CTH: variants seen among roughly 807,000 people sequenced by gnomAD.
CTH encodes cystathionase (cystathionine gamma-lyase).
A neutral mutation model predicts 50.6 loss-of-function variants in CTH; 41 were observed. The observed-to-expected ratio is 0.81, with a 90% confidence interval of 0.63 to 1.05. The LOEUF (loss-of-function observed/expected upper bound fraction) is 1.05. Ranked by LOEUF, CTH falls within the 50% of genes least tolerant of loss-of-function variation. The probability of loss-of-function intolerance (pLI) is 0.00; values close to 1 mark genes in which losing one functional copy is unlikely to be tolerated. For synonymous variants in CTH, 156 were observed against 168.9 expected, an observed-to-expected ratio of 0.92 and a Z score of 0.59; for missense variants, 470 against 492.6, an observed-to-expected ratio of 0.95 and a Z score of 0.43.
At chr1:70,420,512 G>A (rs184911964) in intron 3 of CTH, among the ~76,000 whole-genome samples, 1 of 152,098 alleles carries the variant, frequency 6.6e-6, no homozygotes, top group East Asian at 1.9e-4. Context: ...TGATGCTGCC[G>A]CTGATTTGAC....
At chr1:70,429,713 A>C (rs1684422231) in intron 5 of CTH, 81 bp from the exon 6 acceptor site, 1 of 988,550 alleles carries the variant, frequency 1.0e-6, no homozygotes, top group South Asian at 1.3e-5. Flanking sequence ...ATAAGAATGG[A>C]ATTTATAATT....
intron 1 of CTH, among the ~76,000 whole-genome samples, chr1:70,415,031 A>C (rs537666875): frequency 6.6e-6 from 1 of 152,212 alleles, no homozygotes; most frequent in South Asian, 2.1e-4. Flanking sequence ...GCTTTGAGCC[A>C]CTTTTGTAGA....
intron 3 of CTH, among the ~76,000 whole-genome samples, chr1:70,419,993 T>G (rs1684178478): frequency 6.7e-6 from 1 of 150,312 alleles, no homozygotes; most frequent in South Asian, 2.1e-4. Context: ...GGGACCGGCG[T>G]GTTTTTTTTT....
chr1:70,422,428 G>A (rs1489574394), intron 4 of CTH, among the ~76,000 whole-genome samples: 1 of 152,142 alleles, frequency 6.6e-6, no homozygotes, highest in Non-Finnish European at 1.5e-5. Flanking sequence ...TGATTAAAAG[G>A]TTAGAATTGT....
chr1:70,439,060 T>A, intron 11 of CTH, 41 bp from the exon 12 acceptor site: 1 of 1,590,862 alleles, frequency 6.3e-7, no homozygotes, highest in Admixed American at 1.7e-5. Flanking sequence ...CTATGGCCTA[T>A]ATGTTTAATA....
At chr1:70,434,965 T>C (rs1351111351) in intron 9 of CTH, 160 bp from the exon 10 acceptor site, 5 of 480,000 alleles carry the variant, frequency 1.0e-5, no homozygotes, top group African/African-American at 1.0e-4. Context: ...TTGGCCAGGC[T>C]GGTCTCGAAC....
intron 2 of CTH, among the ~76,000 whole-genome samples, chr1:70,416,633 G>A (rs935369961): frequency 6.7e-6 from 1 of 148,820 alleles, no homozygotes; most frequent in African/African-American, 2.5e-5. Context: ...GCAGGATCTC[G>A]GCTCACTGCA....
chr1:70,437,206 C>T (rs888010974), intron 10 of CTH, among the ~76,000 whole-genome samples: 37 of 152,104 alleles, frequency 2.4e-4, no homozygotes, highest in African/African-American at 8.0e-4. Flanking sequence ...AGGTTTGTTG[C>T]GAGAACATGG....
At chr1:70,414,825 T>G (rs947059090) in intron 1 of CTH, among the ~76,000 whole-genome samples, 2 of 150,834 alleles carry the variant, frequency 1.3e-5, no homozygotes, top group African/African-American at 4.9e-5. Context: ...ATAATGCAAT[T>G]TTTTTTTTTC....
intron 7 of CTH, among the ~76,000 whole-genome samples, chr1:70,431,870 T>C (rs1684482557): frequency 6.6e-6 from 1 of 152,206 alleles, no homozygotes; most frequent in Non-Finnish European, 1.5e-5. Context: ...GTTTTCAGCA[T>C]ATTTGCTTCC....
At chr1:70,415,723 A>G (rs1376944977) in intron 1 of CTH, among the ~76,000 whole-genome samples, 1 of 152,198 alleles carries the variant, frequency 6.6e-6, no homozygotes, top group African/African-American at 2.4e-5. Context: ...GAAGTAACTT[A>G]CCTAGTGTCA....
At chr1:70,427,710 T>TTTTG (rs1481593708) in intron 5 of CTH, among the ~76,000 whole-genome samples, 1 of 152,028 alleles carries the variant, frequency 6.6e-6, no homozygotes, top group East Asian at 1.9e-4. Flanking sequence ...TAATGTATGT[T>TTTTG]TTTGTTTGTT....
chr1:70,413,560 G>A (rs114616815), intron 1 of CTH, among the ~76,000 whole-genome samples: 1 of 151,054 alleles, frequency 6.6e-6, no homozygotes, highest in East Asian at 2.0e-4. Flanking sequence ...CACGGCGCCC[G>A]GCTCACAGCC....
rs1683962922 is a variant in CTH, at chr1:70,411,506, C to A, written c.91C>A (p.Gln31Lys). 2 of 1,614,178 alleles carry A rather than the reference C, an allele frequency of 1.2e-6. No individual in the cohort carries two copies. The highest frequency in any genetic ancestry group is 1.7e-6 in the Non-Finnish European group (2 of 1,180,038). The change falls in exon 1 of 12, where the codon CAA (glutamine) becomes AAA (lysine). Residue 31 changes from glutamine (Q) to lysine (K), a missense_variant. By Grantham distance (53) the Gln-to-Lys change is moderately conservative. Coordinates refer to ENST00000370938, the MANE Select transcript of CTH (RefSeq NM_001902.6). ...QAIHVGQDPEQWTSRAVVPPI... is the reference protein window; with the variant it reads ...QAIHVGQDPEKWTSRAVVPPI... Reference sequence around the variant, plus strand: ...GATCCATGTGGGCCAGGATCCAGAGCAATGGACCTCCAGGGCTGTAGTGCC... The same window carrying A: ...GATCCATGTGGGCCAGGATCCAGAGAAATGGACCTCCAGGGCTGTAGTGCC...
chr1:70,436,471 T>C (rs1684601189), intron 10 of CTH, among the ~76,000 whole-genome samples: 1 of 152,186 alleles, frequency 6.6e-6, no homozygotes. Context: ...TAAGTCAACA[T>C]CATAACCTAA....
intron 10 of CTH, among the ~76,000 whole-genome samples, chr1:70,436,746 A>G (rs1174047417): frequency 6.6e-6 from 1 of 152,148 alleles, no homozygotes; most frequent in African/African-American, 2.4e-5. Flanking sequence ...TTTCCGGAAG[A>G]TGCCTGCTAG....
chr1:70,419,819 A>C (rs1340326785), intron 3 of CTH, among the ~76,000 whole-genome samples: 1 of 152,226 alleles, frequency 6.6e-6, no homozygotes, highest in African/African-American at 2.4e-5. Flanking sequence ...TATTTAAAAC[A>C]AAAGCAAGGA....
rs1684223429 is a variant in CTH, at chr1:70,421,610, A to G, written c.391A>G (p.Lys131Glu). ...FRQVASEFGL[K>E]ISFVDCSKIK... ...GCAAGTGGCATCTGAATTTGGATTA[A>G]AGATTTCTTTTGTTGATTGTTCCAA... Residue 131 changes from lysine to glutamate, a missense_variant, in exon 4 of 12, where the codon AAG becomes GAG. By Grantham distance (56) the Lys-to-Glu change is moderately conservative. Coordinates refer to ENST00000370938, the MANE Select transcript of CTH (RefSeq NM_001902.6). The G allele has an allele frequency of 6.2e-7, 1 of 1,613,802 alleles. No homozygotes were observed. The highest frequency in any genetic ancestry group is 1.7e-5 in the Admixed American group (1 of 59,994).
At position 70,415,970 on chromosome 1, in the gene CTH, C is replaced by A; in HGVS notation, c.183C>A (p.Ser61Arg). The A allele has an allele frequency of 1.2e-6, 2 of 1,607,076 alleles. No homozygotes were observed. The highest frequency in any genetic ancestry group is 1.7e-6 in the Non-Finnish European group (2 of 1,173,676). ...GTTTTTTTCAGGGTTTTGAATATAG[C>A]CGTTCTGGAAATCCCACTAGGAATT... ...APGQHSGFEYSRSGNPTRNCL... is the reference protein window; with the variant it reads ...APGQHSGFEYRRSGNPTRNCL... Residue 61 changes from serine (S) to arginine (R), a missense_variant, in exon 2 of 12, where the codon AGC becomes AGA. Ser to Arg is a moderately radical substitution (Grantham distance 110). Transcript: ENST00000370938.
Sources: allele counts gnomAD v4.1 joint callset (sites outside exome capture counted in the v4.1 genomes callset), GRCh38; gene constraint gnomAD v4.1.1; transcripts MANE v1.5; gene names NCBI Gene and HGNC (gene_info 2026-07-23, HGNC 2026-07-21).